The following SEZ6 variants were observed in gnomAD, a reference collection of about 807,000 sequenced individuals.
SEZ6 encodes the protein seizure protein 6 homolog.
SEZ6 carries 53 observed loss-of-function variants against 101.0 expected under a neutral mutation model. That is an observed-to-expected ratio of 0.52 (90% CI 0.42 to 0.66). The LOEUF (loss-of-function observed/expected upper bound fraction) is 0.66, where lower values mean the gene tolerates loss of function less well. Ranked by LOEUF, SEZ6 falls within the 30% of genes least tolerant of loss-of-function variation. The pLI, the probability that SEZ6 is intolerant of heterozygous loss-of-function variation, is 0.00. For synonymous variants in SEZ6, 488 were observed against 512.2 expected (o/e 0.95, Z 0.64); for missense variants, 1,102 against 1,289.4 (o/e 0.85, Z 2.23).
At chr17:28,962,868 T>C (rs1174275206) in intron 5 of SEZ6, among the ~76,000 whole-genome samples, 2 of 151,336 alleles carry the variant, frequency 1.3e-5, no homozygotes, top group African/African-American at 4.9e-5. Context: ...CTCACGCCTG[T>C]AATCCCAGCA....
In SEZ6 at chr17:28,960,978, T is replaced by A; in HGVS notation, c.1241-5A>T. 1 of 1,612,072 alleles carries A rather than the reference T, an allele frequency of 6.2e-7. No individual in the cohort carries two copies. The highest frequency in any genetic ancestry group is 8.5e-7 in the Non-Finnish European group (1 of 1,179,336). On this transcript the variant is annotated splice_region_variant and splice_polypyrimidine_tract_variant and intron_variant, in intron 5 of 16. Transcript: ENST00000317338. Reference sequence around the variant, plus strand: ...GGATCACTCCGCCGCAAGCAGCTGTTAAGACCAGGACAGGACGTAGGCTAG... The same window carrying A: ...GGATCACTCCGCCGCAAGCAGCTGTAAAGACCAGGACAGGACGTAGGCTAG...
chr17:28,979,858 AGTG>A, intron 2 of SEZ6, 45 bp from the exon 3 acceptor site: 1 of 1,541,826 alleles, frequency 6.5e-7, no homozygotes, highest in Non-Finnish European at 8.8e-7. Flanking sequence ...GCTCTGGTGA[AGTG>A]GTCCAACTAA....
intron 1 of SEZ6, among the ~76,000 whole-genome samples, chr17:28,982,679 T>C (rs760653686): frequency 2.7e-4 from 41 of 152,124 alleles, no homozygotes; most frequent in Non-Finnish European, 5.0e-4. Flanking sequence ...TTTGAGACAG[T>C]GTCTCGCTGT....
intron 1 of SEZ6, among the ~76,000 whole-genome samples, chr17:28,999,870 G>T (rs967950252): frequency 5.9e-5 from 9 of 152,196 alleles, no homozygotes; most frequent in African/African-American, 2.2e-4. Flanking sequence ...TAGTTCACCT[G>T]ACTCCCAGCC....
chr17:28,997,577 G>T (rs1399257525), intron 1 of SEZ6, among the ~76,000 whole-genome samples: 1 of 152,114 alleles, frequency 6.6e-6, no homozygotes, highest in Non-Finnish European at 1.5e-5. Flanking sequence ...GTCCAGCTCT[G>T]GACTCCTGGG....
At position 28,981,931 on chromosome 17, in the gene SEZ6, A is replaced by T; in HGVS notation, c.164T>A (p.Val55Asp). The T allele has an allele frequency of 6.2e-7, 1 of 1,613,690 alleles. No individual in the cohort carries two copies. Among genetic ancestry groups the T allele is most frequent in the South Asian group, 1.1e-5 (1 of 91,072 alleles). ...GGTGGGGGCTGTTGTGACAAAGTGG[A>T]CGCCTCGTTCTGGCTGCTCAGGTGT... ...APTPEQPERG[V>D]HFVTTAPTLK... The change falls in exon 2 of 17, where the codon GTC becomes GAC. Residue 55 changes from valine to aspartate, a missense_variant. Val to Asp is a radical substitution (Grantham distance 152). Around this residue, in one of 3 missense-constraint regions of SEZ6, gnomAD observed 406 missense variants for 418.6 expected, o/e 0.97. Transcript: ENST00000317338.
At chr17:28,993,022 C>T (rs2041487223) in intron 1 of SEZ6, among the ~76,000 whole-genome samples, 3 of 151,950 alleles carry the variant, frequency 2.0e-5, no homozygotes, top group South Asian at 4.2e-4. Flanking sequence ...AGCTGGGGGC[C>T]TGGAGTGGGG....
At chr17:29,004,108 C>A (rs769002196) in intron 1 of SEZ6, among the ~76,000 whole-genome samples, 4 of 152,222 alleles carry the variant, frequency 2.6e-5, no homozygotes, top group Non-Finnish European at 4.4e-5. Context: ...TCACTGCTGA[C>A]CCCTCACCCA....
At position 28,979,884 on chromosome 17, in the gene SEZ6, T is replaced by C. The variant is rs1341037386; in HGVS notation, c.725-71A>G. The C allele has an allele frequency of 1.1e-5, 5 of 452,356 alleles. No individual in the cohort carries two copies. The African/African-American group carries it at 1.8e-4, about 17-fold the overall frequency. The allele number at this position is 452,356 out of a possible 1,614,324, so 28.0% of individuals were successfully genotyped here. On this transcript the variant is annotated intron_variant, in intron 2 of 16. Transcript: ENST00000317338. ...GTGGTCCAACTAAGGCTGAACCGTG[T>C]GTGTGTGTGTGTGTGTGTGTGTGTG...
intron 4 of SEZ6, among the ~76,000 whole-genome samples, chr17:28,968,559 C>T (rs2041104743): frequency 6.6e-6 from 1 of 152,238 alleles, no homozygotes; most frequent in African/African-American, 2.4e-5. Flanking sequence ...ACGTTTCACC[C>T]TTGCCTCAGC....
At chr17:28,966,539 G>A (rs991611729) in intron 4 of SEZ6, among the ~76,000 whole-genome samples, 2 of 152,136 alleles carry the variant, frequency 1.3e-5, no homozygotes, top group Non-Finnish European at 2.9e-5. Flanking sequence ...GGCCTGGAGG[G>A]GTCAAGGAGA....
In SEZ6 at chr17:28,956,746, C is replaced by T. The variant is rs867893199; in HGVS notation, c.2704G>A (p.Gly902Arg). 2 of 1,563,542 alleles carry T rather than the reference C, an allele frequency of 1.3e-6. No individual in the cohort carries two copies. Among genetic ancestry groups the T allele is most frequent in the African/African-American group, 1.4e-5 (1 of 73,702 alleles). ...TCCAGGCTGCGACTGTTGTAGAACC[C>T]ATCCAGAGAGGCTGGAACAAAAGGG... is the stretch of plus-strand genomic sequence containing the variant. ...PPICRAASLD[G>R]FYNSRSLDVA... Residue 902 changes from glycine to arginine, a missense_variant, in exon 14 of 17, where the codon GGG (glycine) becomes AGG (arginine). By Grantham distance (125) the Gly-to-Arg change is moderately radical. Coordinates refer to ENST00000317338, the MANE Select transcript of SEZ6 (RefSeq NM_178860.5).
intron 1 of SEZ6, among the ~76,000 whole-genome samples, chr17:28,991,435 A>G (rs554243649): frequency 1.3e-5 from 2 of 152,244 alleles, no homozygotes; most frequent in East Asian, 3.9e-4. Flanking sequence ...CGAACTCCTG[A>G]CCTCAGGTGA....
At chr17:28,985,012 G>C (rs988066665) in intron 1 of SEZ6, among the ~76,000 whole-genome samples, 1 of 152,204 alleles carries the variant, frequency 6.6e-6, no homozygotes, top group Non-Finnish European at 1.5e-5. Context: ...TGGGAGATGG[G>C]AATTTTATTT....
intron 1 of SEZ6, among the ~76,000 whole-genome samples, chr17:29,004,754 C>T (rs2041662524): frequency 6.6e-6 from 1 of 152,174 alleles, no homozygotes; most frequent in African/African-American, 2.4e-5. Context: ...CCGACCCTAC[C>T]AGCCTACTGC....
intron 1 of SEZ6, among the ~76,000 whole-genome samples, chr17:28,991,444 G>A (rs1238370633): frequency 6.6e-6 from 1 of 152,218 alleles, no homozygotes; most frequent in Non-Finnish European, 1.5e-5. Flanking sequence ...GACCTCAGGT[G>A]ATCGGCCTGC....
Position 29,006,003 on chromosome 17 carries a change from C to CGCA in SEZ6, c.-135_-134insTGC. 1.5e-6 allele frequency: 1 copy of CGCA among 664,880 alleles called. No individual in the cohort carries two copies. Among genetic ancestry groups the CGCA allele is most frequent in the Non-Finnish European group, 2.1e-6 (1 of 480,356 alleles). The allele number at this position is 664,880 out of a possible 1,614,324, so 41.2% of individuals were successfully genotyped here. ...GGGCCGCAGCCGTCACCGCCGCTGCCGCCGCCAGCGCCTGACAGAATCAGC... is the reference window on the plus strand; with the variant it reads ...GGGCCGCAGCCGTCACCGCCGCTGCCGCAGCCGCCAGCGCCTGACAGAATCAGC... On this transcript the variant is annotated 5_prime_UTR_variant, in exon 1 of 17. Transcript: ENST00000317338.
intron 1 of SEZ6, among the ~76,000 whole-genome samples, chr17:29,000,369 T>C (rs1239488740): frequency 1.3e-5 from 2 of 152,200 alleles, no homozygotes; most frequent in Non-Finnish European, 2.9e-5. Context: ...AGTTTTTCCA[T>C]GTGTAAAATG....
At chr17:28,975,254 G>T (rs934300881) in intron 3 of SEZ6, among the ~76,000 whole-genome samples, 2 of 152,216 alleles carry the variant, frequency 1.3e-5, no homozygotes, top group African/African-American at 4.8e-5. Flanking sequence ...CTCTGCAGCT[G>T]CCAGGAAGCA....
Sources: gnomAD v4.1 joint callset for allele counts (sites outside exome capture counted in the v4.1 genomes callset) on GRCh38, gnomAD v4.1.1 for gene constraint, gnomAD v4.1.1 regional missense constraint, MANE v1.5 for transcripts, NCBI Gene and HGNC (gene_info 2026-07-23, HGNC 2026-07-21) for gene names.